The following RANBP17 variants were observed in gnomAD, a reference collection of about 807,000 sequenced individuals.
RANBP17 encodes RAN binding protein 17, also known as ran-binding protein 17.
Under a neutral mutation model 141.2 loss-of-function variants are expected in RANBP17, and 158 were observed. The ratio of observed to expected loss-of-function variants is 1.12; its 90% CI spans 0.98 to 1.28. RANBP17 has a LOEUF of 1.28. RANBP17 is among the 50% of genes most tolerant of loss of function. The pLI, the probability that RANBP17 is intolerant of heterozygous loss-of-function variation, is 0.00. For missense variants in RANBP17, 1,438 were observed against 1,290.7 expected, an observed-to-expected ratio of 1.11 and a Z score of -1.75; for synonymous variants, 430 against 450.0, an observed-to-expected ratio of 0.96 and a Z score of 0.56.
At chr5:171,124,425 A>G (rs1756277183) in intron 14 of RANBP17, among the ~76,000 whole-genome samples, 1 of 152,192 alleles carries the variant, frequency 6.6e-6, no homozygotes, top group African/African-American at 2.4e-5. Flanking sequence ...TGGAAAAGTC[A>G]TAGAAAACCT....
At chr5:170,943,876 G>A (rs951242834) in intron 12 of RANBP17, among the ~76,000 whole-genome samples, 9 of 152,048 alleles carry the variant, frequency 5.9e-5, no homozygotes, top group South Asian at 2.1e-4. Flanking sequence ...TAAAATTTTT[G>A]TGGTAAGAGC....
chr5:171,065,712 G>T (rs1046712689), intron 14 of RANBP17, among the ~76,000 whole-genome samples: 1 of 151,928 alleles, frequency 6.6e-6, no homozygotes, highest in Non-Finnish European at 1.5e-5. Flanking sequence ...TTATTCCATT[G>T]ATTTGATAGC....
At chr5:170,964,558 C>T (rs199977608) in intron 13 of RANBP17, among the ~76,000 whole-genome samples, 1 of 152,126 alleles carries the variant, frequency 6.6e-6, no homozygotes. Context: ...TCCCCCCACC[C>T]CACAACAGTC....
intron 14 of RANBP17, among the ~76,000 whole-genome samples, chr5:170,974,189 A>T (rs186499084): frequency 6.6e-6 from 1 of 152,246 alleles, no homozygotes; most frequent in Admixed American, 6.5e-5. Flanking sequence ...CTCCACAGTG[A>T]TTCATTCTGA....
intron 1 of RANBP17, among the ~76,000 whole-genome samples, chr5:170,876,364 T>C (rs1232468895): frequency 6.6e-6 from 1 of 152,188 alleles, no homozygotes; most frequent in Non-Finnish European, 1.5e-5. Flanking sequence ...CCACTGCTTC[T>C]AGTTGGCCAT....
chr5:171,016,670 C>CTT (rs1368538299), intron 14 of RANBP17, among the ~76,000 whole-genome samples: 1 of 151,602 alleles, frequency 6.6e-6, no homozygotes. Context: ...GTTTTTTGTT[C>CTT]TTTTTGAGTA....
At chr5:171,199,649 A>T (rs1198648341) in intron 18 of RANBP17, 21 bp from the exon 19 acceptor site, 1 of 1,447,832 alleles carries the variant, frequency 6.9e-7, no homozygotes, top group East Asian at 2.3e-5. Context: ...AACCGTAGTG[A>T]CCCTTTTGTT....
Position 170,968,381 on chromosome 5 carries a change from G to A in RANBP17, c.1710+4G>A. ...TCAACTTCAAAGAACCTCAAAGGTA[G>A]GTTTCTACTAGAGAGTTTAAAACAT... On this transcript the variant is annotated splice_donor_region_variant and intron_variant, in intron 14 of 27. Transcript: ENST00000523189. 6.2e-7 allele frequency: 1 copy of A among 1,602,428 alleles called. No individual in the cohort carries two copies. Among genetic ancestry groups the A allele is most frequent in the Non-Finnish European group, 8.5e-7 (1 of 1,175,266 alleles).
chr5:171,026,555 A>G (rs554401919), intron 14 of RANBP17, among the ~76,000 whole-genome samples: 13 of 151,524 alleles, frequency 8.6e-5, no homozygotes, highest in African/African-American at 2.9e-4. Context: ...ACCAGCTTAT[A>G]TATTCATTAA....
chr5:171,008,931 T>A (rs980132391), intron 14 of RANBP17, among the ~76,000 whole-genome samples: 7 of 152,212 alleles, frequency 4.6e-5, no homozygotes, highest in African/African-American at 1.7e-4. Flanking sequence ...CTATTAAATA[T>A]AGATGCTTCC....
chr5:170,943,615 T>C (rs1174236135), intron 12 of RANBP17, among the ~76,000 whole-genome samples: 3 of 152,130 alleles, frequency 2.0e-5, no homozygotes, highest in African/African-American at 7.2e-5. Flanking sequence ...AATGGAAATT[T>C]AGTATTATTA....
intron 24 of RANBP17, among the ~76,000 whole-genome samples, chr5:171,255,687 G>A (rs1765837629): frequency 6.6e-6 from 1 of 152,104 alleles, no homozygotes; most frequent in African/African-American, 2.4e-5. Context: ...GTCAGGGTTG[G>A]GGGAGAAAAT....
intron 14 of RANBP17, among the ~76,000 whole-genome samples, chr5:171,124,782 A>T (rs186561626): frequency 7.9e-5 from 12 of 152,342 alleles, no homozygotes; most frequent in Admixed American, 4.6e-4. Flanking sequence ...ATAAATGTAA[A>T]CAACAAAAGA....
At chr5:171,187,972 T>A (rs1761383330) in intron 18 of RANBP17, among the ~76,000 whole-genome samples, 1 of 152,286 alleles carries the variant, frequency 6.6e-6, no homozygotes, top group Admixed American at 6.5e-5. Flanking sequence ...AGAAAAATAA[T>A]TTTTTTGCCC....
chr5:171,193,121 A>G (rs187797289), intron 18 of RANBP17, among the ~76,000 whole-genome samples: 148 of 152,256 alleles, frequency 9.7e-4, no homozygotes, highest in Non-Finnish European at 2.0e-3. Context: ...CCCAGTGCCT[A>G]TGTCTCCTTG....
intron 14 of RANBP17, among the ~76,000 whole-genome samples, chr5:171,031,477 T>C (rs866431728): frequency 3.3e-5 from 5 of 152,074 alleles, no homozygotes; most frequent in South Asian, 2.1e-4. Context: ...GTTTGGAATA[T>C]AGCATAGCCT....
intron 12 of RANBP17, among the ~76,000 whole-genome samples, chr5:170,939,901 A>G (rs1232792049): frequency 2.0e-5 from 3 of 152,160 alleles, no homozygotes; most frequent in African/African-American, 7.2e-5. Context: ...AAGAGTAGAA[A>G]CTGTATGATT....
intron 22 of RANBP17, among the ~76,000 whole-genome samples, chr5:171,235,784 G>C (rs1561788469): frequency 1.3e-5 from 2 of 152,044 alleles, no homozygotes; most frequent in Admixed American, 1.3e-4. Flanking sequence ...TGTAGAGATG[G>C]AATTTTGCCA....
intron 14 of RANBP17, among the ~76,000 whole-genome samples, chr5:171,021,661 C>A (rs981933184): frequency 1.3e-5 from 2 of 152,198 alleles, no homozygotes; most frequent in Admixed American, 6.5e-5. Context: ...TTCTAGTTAG[C>A]AGCTCCTCTA....
Sources: allele counts gnomAD v4.1 joint callset (sites outside exome capture counted in the v4.1 genomes callset), GRCh38; gene constraint gnomAD v4.1.1; transcripts MANE v1.5; gene names NCBI Gene and HGNC (gene_info 2026-07-23, HGNC 2026-07-21).